The following SHANK2 variants were observed in gnomAD, a reference collection of about 807,000 sequenced individuals.
The protein encoded by SHANK2 is SH3 and multiple ankyrin repeat domains 2.
In SHANK2, 43 loss-of-function variants were observed where a neutral mutation model predicts 133.7. That is an observed-to-expected ratio of 0.32 (90% CI 0.25 to 0.41). SHANK2 has a LOEUF of 0.41. SHANK2 is among the 10% of genes least tolerant of loss of function. SHANK2 has a pLI of 1.00. For synonymous variants in SHANK2, 1,017 were observed against 952.8 expected, an observed-to-expected ratio of 1.07 and a Z score of -1.24; for missense variants, 1,994 against 2,235.8, an observed-to-expected ratio of 0.89 and a Z score of 2.18.
At chr11:71,231,707 A>G (rs1261076958) in intron 1 of SHANK2, among the ~76,000 whole-genome samples, 3 of 152,160 alleles carry the variant, frequency 2.0e-5, no homozygotes, top group Non-Finnish European at 4.4e-5. Flanking sequence ...TGGTCAAGGT[A>G]GCGAAATCCA....
chr11:70,590,016 G>A (rs757165388), intron 17 of SHANK2, among the ~76,000 whole-genome samples: 7 of 152,190 alleles, frequency 4.6e-5, no homozygotes, highest in East Asian at 1.9e-4. Flanking sequence ...TTAGCCAGGC[G>A]CGGTGGCGGG....
chr11:70,544,883 A>T (rs2059669789), intron 17 of SHANK2, among the ~76,000 whole-genome samples: 2 of 152,242 alleles, frequency 1.3e-5, no homozygotes, highest in Non-Finnish European at 2.9e-5. Context: ...CAGGGATTGC[A>T]TCCTCTGAGC....
chr11:70,914,129 G>A (rs1178258210), intron 10 of SHANK2, among the ~76,000 whole-genome samples: 1 of 152,164 alleles, frequency 6.6e-6, no homozygotes, highest in African/African-American at 2.4e-5. Flanking sequence ...CAGCCACACT[G>A]CCACTGCAGC....
chr11:70,865,539 G>A (rs1445979387), intron 11 of SHANK2, among the ~76,000 whole-genome samples: 1 of 152,132 alleles, frequency 6.6e-6, no homozygotes, highest in South Asian at 2.1e-4. Context: ...GCAGCTGCGC[G>A]TGCCTCATTC....
At chr11:71,236,963 T>C (rs558370574) in intron 1 of SHANK2, among the ~76,000 whole-genome samples, 1 of 152,306 alleles carries the variant, frequency 6.6e-6, no homozygotes, top group East Asian at 1.9e-4. Context: ...TTGGCGCAGG[T>C]GGGACTGCGC....
intron 14 of SHANK2, among the ~76,000 whole-genome samples, chr11:70,699,246 TAAAA>T (rs57742347): frequency 7.3e-6 from 1 of 136,448 alleles, no homozygotes; most frequent in East Asian, 2.1e-4. Flanking sequence ...TCCTTTCTCC[TAAAA>T]AAAAAAAAAA....
chr11:71,234,050 A>G (rs1480979270), intron 1 of SHANK2, among the ~76,000 whole-genome samples: 3 of 150,484 alleles, frequency 2.0e-5, no homozygotes, highest in African/African-American at 7.4e-5. Context: ...CGTCTCAAAG[A>G]TAAATAAATA....
intron 15 of SHANK2, among the ~76,000 whole-genome samples, chr11:70,683,043 G>A (rs532005969): frequency 6.6e-6 from 1 of 152,280 alleles, no homozygotes. Context: ...CCTGTAAGAC[G>A]CTGTCTCCCT....
chr11:70,772,310 C>T (rs540459366), intron 14 of SHANK2, among the ~76,000 whole-genome samples: 126 of 151,742 alleles, frequency 8.3e-4, no homozygotes, highest in Admixed American at 4.7e-3. Flanking sequence ...GGTGGTGGCG[C>T]GCGCCTGTAA....
At position 70,807,832 on chromosome 11, in the gene SHANK2, A is replaced by G. The variant is rs1468334418; in HGVS notation, c.1494-661T>C. 6.7e-6 allele frequency among the ~76,000 whole-genome samples: 1 copy of G among 150,110 alleles called. No individual in the cohort carries two copies. Among genetic ancestry groups the G allele is most frequent in the Non-Finnish European group, 1.5e-5 (1 of 67,320 alleles). ...GTGACAGAGTGAGACTCTGTCTCCA[A>G]AAAAAAAAAGTAAACTGTGACACAG... On this transcript the variant is annotated intron_variant, in intron 12 of 25. Transcript: ENST00000601538. The surrounding 1 kb of genome is among the most constrained non-coding windows in gnomAD (Gnocchi z 4.8).
intron 17 of SHANK2, among the ~76,000 whole-genome samples, chr11:70,648,038 T>C (rs966224128): frequency 2.0e-5 from 3 of 152,278 alleles, no homozygotes; most frequent in Non-Finnish European, 2.9e-5. Context: ...GATAAACTAA[T>C]TGTGGTCTAA....
At chr11:70,944,705 T>G (rs1459434759) in intron 10 of SHANK2, among the ~76,000 whole-genome samples, 1 of 152,156 alleles carries the variant, frequency 6.6e-6, no homozygotes, top group African/African-American at 2.4e-5. Flanking sequence ...CCAGGGCCCT[T>G]TCAACTGGGA....
At chr11:71,142,451 A>T (rs1346594244) in intron 3 of SHANK2, among the ~76,000 whole-genome samples, 1 of 152,210 alleles carries the variant, frequency 6.6e-6, no homozygotes, top group Non-Finnish European at 1.5e-5. Flanking sequence ...CAGTGAGCTG[A>T]GATTGCACCA....
intron 17 of SHANK2, among the ~76,000 whole-genome samples, chr11:70,509,539 G>C (rs1180216081): frequency 1.3e-5 from 2 of 152,220 alleles, no homozygotes; most frequent in Non-Finnish European, 2.9e-5. Context: ...CATTGGTGTA[G>C]CCTTCGGGTC....
intron 2 of SHANK2, among the ~76,000 whole-genome samples, chr11:71,195,130 C>G (rs1040312517): frequency 1.3e-5 from 2 of 152,292 alleles, no homozygotes; most frequent in Non-Finnish European, 2.9e-5. Context: ...TGGTGGCTGA[C>G]GCCTGTAATC....
At chr11:70,887,345 A>T (rs1020622242) in intron 11 of SHANK2, among the ~76,000 whole-genome samples, 2 of 143,830 alleles carry the variant, frequency 1.4e-5, no homozygotes, top group African/African-American at 5.2e-5. Context: ...TAAAATCACC[A>T]AACAGAGGTC....
intron 9 of SHANK2, among the ~76,000 whole-genome samples, chr11:71,073,743 G>A (rs1324812757): frequency 6.6e-6 from 1 of 152,164 alleles, no homozygotes; most frequent in African/African-American, 2.4e-5. Flanking sequence ...GGGATTACAG[G>A]TATGAGCTGC....
At chr11:70,810,086 C>G (rs1385270867) in intron 12 of SHANK2, among the ~76,000 whole-genome samples, 1 of 152,190 alleles carries the variant, frequency 6.6e-6, no homozygotes, top group African/African-American at 2.4e-5. Context: ...CCCAAACACC[C>G]CAGGAGTTCC....
At chr11:70,952,156 G>A (rs574929233) in intron 10 of SHANK2, among the ~76,000 whole-genome samples, 22 of 152,278 alleles carry the variant, frequency 1.4e-4, no homozygotes, top group African/African-American at 4.1e-4. Flanking sequence ...TTAAACCCAG[G>A]TTCTGCAGAC....
Sources: gnomAD v4.1 joint callset for allele counts (sites outside exome capture counted in the v4.1 genomes callset) on GRCh38, gnomAD v4.1.1 for gene constraint, Gnocchi (gnomAD v3.1) non-coding constraint, MANE v1.5 for transcripts, NCBI Gene and HGNC (gene_info 2026-07-23, HGNC 2026-07-21) for gene names.